The following GRIK2 variants were observed in gnomAD, a reference collection of about 807,000 sequenced individuals.
GRIK2 encodes glutamate receptor ionotropic, kainate 2.
In GRIK2, 32 loss-of-function variants were observed where a neutral mutation model predicts 100.3. The observed-to-expected ratio is 0.32, with a 90% CI of 0.24 to 0.43. GRIK2 has a LOEUF of 0.43. GRIK2 is among the 20% of genes least tolerant of loss of function. GRIK2 has a pLI of 1.00. For missense variants in GRIK2, 843 were observed against 1,114.9 expected, an observed-to-expected ratio of 0.76 and a Z score of 3.47; for synonymous variants, 417 against 389.4, an observed-to-expected ratio of 1.07 and a Z score of -0.83.
At chr6:101,608,926 C>T (rs1197696216) in intron 2 of GRIK2, among the ~76,000 whole-genome samples, 1 of 151,668 alleles carries the variant, frequency 6.6e-6, no homozygotes, top group Non-Finnish European at 1.5e-5. Flanking sequence ...GCTATGTCTA[C>T]ACAAAGTCAC....
intron 2 of GRIK2, among the ~76,000 whole-genome samples, chr6:101,558,328 A>G (rs1776841273): frequency 6.6e-6 from 1 of 152,276 alleles, no homozygotes; most frequent in Non-Finnish European, 1.5e-5. Flanking sequence ...TAAATGGAGG[A>G]GACATACACA....
intron 2 of GRIK2, among the ~76,000 whole-genome samples, chr6:101,519,143 C>T (rs1774739400): frequency 6.6e-6 from 1 of 152,102 alleles, no homozygotes; most frequent in Admixed American, 6.6e-5. Context: ...TCTTCCACAA[C>T]ATTTCCTTAC....
At chr6:101,781,580 T>C (rs1434286997) in intron 7 of GRIK2, among the ~76,000 whole-genome samples, 1 of 152,312 alleles carries the variant, frequency 6.6e-6, no homozygotes, top group East Asian at 1.9e-4. Flanking sequence ...CATACCCCTC[T>C]GGTATATACA....
At chr6:101,469,988 T>G (rs1771859548) in intron 2 of GRIK2, among the ~76,000 whole-genome samples, 1 of 152,156 alleles carries the variant, frequency 6.6e-6, no homozygotes, top group African/African-American at 2.4e-5. Context: ...TTTTTTGGCT[T>G]CTACTACCTG....
intron 12 of GRIK2, among the ~76,000 whole-genome samples, chr6:101,912,118 CGA>C (rs1479052949): frequency 7.8e-6 from 1 of 128,842 alleles, no homozygotes; most frequent in African/African-American, 3.0e-5. Context: ...ACACAGAGAC[CGA>C]GAGAGAGAAA....
intron 2 of GRIK2, among the ~76,000 whole-genome samples, chr6:101,431,775 T>C (rs80010330): frequency 0.014 from 2,077 of 152,270 alleles, 58 homozygotes; most frequent in East Asian, 0.1. Context: ...ACTGATTTAA[T>C]AGTATTATTA....
intron 10 of GRIK2, among the ~76,000 whole-genome samples, chr6:101,839,157 A>C (rs372158128): frequency 5.3e-5 from 8 of 151,822 alleles, no homozygotes; most frequent in African/African-American, 1.9e-4. Context: ...TTTTAGCAAG[A>C]CTCCAGGCTA....
At chr6:101,589,669 C>G (rs942090552) in intron 2 of GRIK2, among the ~76,000 whole-genome samples, 1 of 152,080 alleles carries the variant, frequency 6.6e-6, no homozygotes, top group African/African-American at 2.4e-5. Context: ...ATGTTGAGAA[C>G]ATTTACACCT....
intron 2 of GRIK2, among the ~76,000 whole-genome samples, chr6:101,457,110 G>A (rs186208366): frequency 1.6e-4 from 24 of 152,276 alleles, no homozygotes; most frequent in Non-Finnish European, 3.1e-4. Context: ...ATGACTATAA[G>A]TAAAAATGAC....
intron 10 of GRIK2, among the ~76,000 whole-genome samples, chr6:101,832,022 G>A (rs543553961): frequency 6.6e-6 from 1 of 152,018 alleles, no homozygotes; most frequent in South Asian, 2.1e-4. Flanking sequence ...AATAAAAGAA[G>A]TTATCAGTCT....
chr6:102,026,111 CATATATATATATATATAT>C (rs6149730), intron 14 of GRIK2, among the ~76,000 whole-genome samples: 252 of 100,244 alleles, frequency 2.5e-3, no homozygotes, highest in African/African-American at 9.4e-3. Flanking sequence ...TATACACTTA[CATATATATATATATATAT>C]ATATATATAT....
chr6:101,748,005 A>G, intron 7 of GRIK2, among the ~76,000 whole-genome samples: 1 of 152,158 alleles, frequency 6.6e-6, no homozygotes, highest in South Asian at 2.1e-4. Flanking sequence ...GGGAACTGAC[A>G]TTGCAATTGC....
chr6:101,414,043 G>A (rs1158260968), intron 2 of GRIK2, among the ~76,000 whole-genome samples: 1 of 131,872 alleles, frequency 7.6e-6, no homozygotes, highest in African/African-American at 3.0e-5. Flanking sequence ...AAAAGAACTG[G>A]TCTCTGCATC....
intron 4 of GRIK2, among the ~76,000 whole-genome samples, chr6:101,668,498 A>G (rs1770195706): frequency 6.6e-6 from 1 of 152,172 alleles, no homozygotes; most frequent in East Asian, 1.9e-4. Flanking sequence ...TAGCCCACAT[A>G]CATTCTAATA....
chr6:101,525,261 C>T (rs970457428), intron 2 of GRIK2, among the ~76,000 whole-genome samples: 4 of 152,120 alleles, frequency 2.6e-5, no homozygotes, highest in Non-Finnish European at 5.9e-5. Flanking sequence ...TTCAATTACA[C>T]AAAAATGATA....
In GRIK2 at chr6:101,679,245, A is replaced by G. The variant is rs369618054; in HGVS notation, c.723+2441A>G. On this transcript the variant is annotated intron_variant, in intron 5 of 16. Coordinates refer to ENST00000369134, the MANE Select transcript of GRIK2 (RefSeq NM_021956.5). ...GTAAAATAAAGTAAAAATTGAAGAA[A>G]TGTGTATAGGCCCCCCTCATATTGT... Among the ~76,000 whole-genome samples the G allele has an allele frequency of 2.2e-4, 33 of 152,274 alleles. No homozygotes were observed. The East Asian group carries it at 5.4e-3, about 25-fold the overall frequency.
chr6:101,900,861 C>T (rs1562475185), intron 12 of GRIK2, among the ~76,000 whole-genome samples: 1 of 151,202 alleles, frequency 6.6e-6, no homozygotes, highest in Non-Finnish European at 1.5e-5. Context: ...CCAATGCTAG[C>T]TTCAAGTCCT....
At chr6:101,946,857 G>T (rs1326387515) in intron 14 of GRIK2, among the ~76,000 whole-genome samples, 1 of 152,062 alleles carries the variant, frequency 6.6e-6, no homozygotes, top group African/African-American at 2.4e-5. Context: ...ATATCTTCAT[G>T]ACAGGAGATA....
At chr6:101,617,240 CAG>C (rs1779931901) in intron 2 of GRIK2, among the ~76,000 whole-genome samples, 3 of 151,798 alleles carry the variant, frequency 2.0e-5, no homozygotes, top group African/African-American at 7.2e-5. Flanking sequence ...TCCAAGCACT[CAG>C]ATTAAGAAAC....
Sources: gnomAD v4.1 joint callset for allele counts (sites outside exome capture counted in the v4.1 genomes callset) on GRCh38, gnomAD v4.1.1 for gene constraint, MANE v1.5 for transcripts, NCBI Gene and HGNC (gene_info 2026-07-23, HGNC 2026-07-21) for gene names.